Variants in C19orf38 observed in about 807,000 individuals in gnomAD.
C19orf38 encodes protein HIDE1.
C19orf38 carries 14 observed loss-of-function variants against 26.6 expected under a neutral mutation model. That is an observed-to-expected ratio of 0.53 (90% CI 0.35 to 0.82). C19orf38 has a LOEUF of 0.82. C19orf38 is among the 40% of genes least tolerant of loss of function. The probability of loss-of-function intolerance (pLI) is 0.01; values close to 1 mark genes in which losing one functional copy is unlikely to be tolerated. For missense variants in C19orf38, 261 were observed against 299.5 expected (o/e 0.87, Z 0.95); for synonymous variants, 132 against 128.5 (o/e 1.03, Z -0.18).
At position 10,857,366 on chromosome 19, in the gene C19orf38, A is replaced by ATATATTTT. The variant is rs1433358051; in HGVS notation, c.434-949_434-948insATATTTTT. 4.9e-3 allele frequency among the ~76,000 whole-genome samples: 273 copies of ATATATTTT among 56,068 alleles called. 15 individuals are homozygous for ATATATTTT. The highest frequency in any genetic ancestry group is 0.023 in the African/African-American group (135 of 5,824). 36.8% of individuals were successfully genotyped at this position (56,068 alleles called of 152,430 possible). A position where few individuals can be genotyped will look rare whatever the true frequency, so the allele number is the denominator to read the frequency against. ...TATATATATATATATATATATATAT[A>ATATATTTT]TTTTTTTTTTTTTTTTTTTAAGATG... On this transcript the variant is annotated intron_variant, in intron 3 of 6. Transcript: ENST00000397820.
upstream of C19orf38, among the ~76,000 whole-genome samples, chr19:10,844,062 C>T (rs1327053771): frequency 2.0e-5 from 3 of 150,492 alleles, no homozygotes; most frequent in East Asian, 1.9e-4. Context: ...GCAGTGCAGC[C>T]GAGATTGCGC....
intron 6 of C19orf38, among the ~76,000 whole-genome samples, chr19:10,867,641 C>CTTTT (rs953156656): frequency 6.1e-4 from 36 of 58,828 alleles, no homozygotes; most frequent in Non-Finnish European, 6.7e-4. Flanking sequence ...GAAGAACATT[C>CTTTT]TTTTTTTTTT....
At chr19:10,868,021 A>G (rs1174422594) in intron 6 of C19orf38, among the ~76,000 whole-genome samples, 1 of 152,094 alleles carries the variant, frequency 6.6e-6, no homozygotes, top group African/African-American at 2.4e-5. Flanking sequence ...GATCCATTCA[A>G]TTGTTGATGG....
intron 2 of C19orf38, among the ~76,000 whole-genome samples, chr19:10,850,953 T>C (rs1405216536): frequency 6.6e-6 from 1 of 152,228 alleles, no homozygotes; most frequent in Non-Finnish European, 1.5e-5. Context: ...GTACACACCT[T>C]GTACACAGGT....
chr19:10,868,775 G>T (rs1351780824), intron 6 of C19orf38, among the ~76,000 whole-genome samples: 1 of 152,184 alleles, frequency 6.6e-6, no homozygotes, highest in Admixed American at 6.5e-5. Flanking sequence ...CAAAGTGCTG[G>T]GATTACAGGC....
chr19:10,847,840 T>C (rs532507333), upstream of C19orf38, among the ~76,000 whole-genome samples: 78 of 152,260 alleles, frequency 5.1e-4, no homozygotes, highest in African/African-American at 1.8e-3. Context: ...GTCTTGGGCA[T>C]GGGTTTCCAA....
At chr19:10,864,972 A>C (rs1455156481) in intron 6 of C19orf38, among the ~76,000 whole-genome samples, 1 of 152,098 alleles carries the variant, frequency 6.6e-6, no homozygotes, top group Non-Finnish European at 1.5e-5. Context: ...GTAGGAAGGA[A>C]GGGGGCTTGG....
intron 2 of C19orf38, among the ~76,000 whole-genome samples, chr19:10,852,374 A>G (rs540246740): frequency 1.3e-5 from 2 of 152,292 alleles, no homozygotes; most frequent in East Asian, 1.9e-4. Context: ...GATGATAAAC[A>G]TGAAATCCAA....
intron 4 of C19orf38, among the ~76,000 whole-genome samples, chr19:10,859,230 C>T (rs2073663201): frequency 7.1e-6 from 1 of 141,680 alleles, no homozygotes; most frequent in African/African-American, 2.7e-5. Flanking sequence ...AGCCACCGTG[C>T]CTGGCTTTTA....
intron 4 of C19orf38, 101 bp downstream of exon 4, chr19:10,858,444 G>T: frequency 8.6e-7 from 1 of 1,163,050 alleles, no homozygotes; most frequent in South Asian, 1.4e-5. Flanking sequence ...AGCGCCTCCT[G>T]GTGGGCATGC....
intron 6 of C19orf38, among the ~76,000 whole-genome samples, chr19:10,868,853 C>T (rs187765085): frequency 7.9e-4 from 121 of 152,334 alleles, no homozygotes; most frequent in Non-Finnish European, 2.8e-4. Context: ...GAAGAGCTTA[C>T]GATGTGCCAT....
Position 10,852,561 on chromosome 19 carries a change from CTGAA to C in C19orf38, c.340+1998_340+2001del, listed in dbSNP as rs1356872191. 2.6e-5 allele frequency among the ~76,000 whole-genome samples: 4 copies of C among 152,274 alleles called. No individual in the cohort carries two copies. In the East Asian group the frequency reaches 7.7e-4, roughly 29 times the overall value. ...GAGGAGGTGGCATTTGAGCAAAAAA[CTGAA>C]TGATGAGGAGGAGCCAATCATGTGG... On this transcript the variant is annotated intron_variant, in intron 2 of 6. Transcript: ENST00000397820.
In C19orf38 at chr19:10,864,158, C is replaced by T. The variant is rs533479640; in HGVS notation, c.543+951C>T. On this transcript the variant is annotated intron_variant, in intron 6 of 6. Coordinates refer to ENST00000397820, the MANE Select transcript of C19orf38 (RefSeq NM_001136482.3). ...TCACACAACTTCCGACTCCCGGGTT[C>T]AAGCAATTCTCATGCCTCAGCCTCC... Among the ~76,000 whole-genome samples, 104 of 152,038 alleles carry T rather than the reference C, an allele frequency of 6.8e-4. 1 individual carries two copies. The Middle Eastern group carries it at 0.024, about 35-fold the overall frequency.
chr19:10,859,348 GTATATATATATA>G (rs1164393634), intron 4 of C19orf38, among the ~76,000 whole-genome samples: 40 of 55,948 alleles, frequency 7.1e-4, no homozygotes, highest in South Asian at 5.5e-3. Flanking sequence ...GTGTGTGTGT[GTATATATATATA>G]TATATATATA....
chr19:10,840,632 C>G (rs536771305), intron 1 of C19orf38, among the ~76,000 whole-genome samples: 1 of 152,346 alleles, frequency 6.6e-6, no homozygotes, highest in East Asian at 1.9e-4. Flanking sequence ...GATTCTTCTG[C>G]CTCAGCCTCC....
At chr19:10,838,579 C>A (rs1015831446) in intron 1 of C19orf38, among the ~76,000 whole-genome samples, 1 of 152,096 alleles carries the variant, frequency 6.6e-6, no homozygotes, top group Admixed American at 6.6e-5. Flanking sequence ...TCTTGAGTAA[C>A]ACCCGGGGTC....
At chr19:10,837,296 A>G (rs78663051) in intron 1 of C19orf38, among the ~76,000 whole-genome samples, 1,575 of 152,252 alleles carry the variant, frequency 0.01, 25 homozygotes, top group African/African-American at 0.036. Context: ...GGTGATGACA[A>G]AGATCCCTCA....
chr19:10,863,182 A>T lies in C19orf38; in HGVS notation c.518A>T (p.Asp173Val), dbSNP rs2146274781. ...INFDSTDMSF[D>V]NSLFTVSAKT... is the part of the protein sequence containing the mutation. ...CTTTCTGTTTCAGACATGTCCTTCG[A>T]TAACTCCCTGTTTACCGTCTCCGCG... The change falls in exon 6 of 7, where the codon GAT becomes GTT. Residue 173 changes from aspartate (D) to valine (V), a missense_variant. Coordinates refer to ENST00000397820, the MANE Select transcript of C19orf38 (RefSeq NM_001136482.3). 1.3e-6 allele frequency: 2 copies of T among 1,551,522 alleles called. No homozygotes were observed. Among genetic ancestry groups the T allele is most frequent in the East Asian group, 4.9e-5 (2 of 40,914 alleles).
At chr19:10,848,632 C>A in intron 1 of C19orf38, 93 bp downstream of exon 1, 1 of 1,273,454 alleles carries the variant, frequency 7.9e-7, no homozygotes, top group Non-Finnish European at 1.1e-6. Flanking sequence ...AGTGCAGGGG[C>A]TGCCGTTCTC....
Sources: allele counts gnomAD v4.1 joint callset (sites outside exome capture counted in the v4.1 genomes callset), GRCh38; gene constraint gnomAD v4.1.1; transcripts MANE v1.5; gene names NCBI Gene and HGNC (gene_info 2026-07-23, HGNC 2026-07-21).